DLG2: variants seen among roughly 807,000 people sequenced by gnomAD.
DLG2 encodes the protein disks large homolog 2.
A neutral mutation model predicts 132.5 loss-of-function variants in DLG2; 45 were observed. The observed-to-expected ratio is 0.34, with a 90% CI of 0.27 to 0.44. The LOEUF is 0.44. Ranked by LOEUF, DLG2 falls within the 20% of genes least tolerant of loss-of-function variation. DLG2 has a pLI of 1.00. For synonymous variants in DLG2, 424 were observed against 419.6 expected (o/e 1.01, Z -0.13); for missense variants, 1,045 against 1,196.9 (o/e 0.87, Z 1.87).
At chr11:83,853,648 T>C (rs2060103989) in intron 16 of DLG2, among the ~76,000 whole-genome samples, 1 of 152,194 alleles carries the variant, frequency 6.6e-6, no homozygotes, top group Non-Finnish European at 1.5e-5. Flanking sequence ...CTTTGTGAGT[T>C]AGTGTCTGAT....
chr11:85,015,815 G>A (rs943964184), intron 6 of DLG2, among the ~76,000 whole-genome samples: 1 of 151,998 alleles, frequency 6.6e-6, no homozygotes, highest in African/African-American at 2.4e-5. Context: ...TTCGTGCCAT[G>A]ATTTCATCTC....
intron 14 of DLG2, among the ~76,000 whole-genome samples, chr11:83,931,639 C>T (rs993535954): frequency 2.1e-4 from 32 of 152,144 alleles, no homozygotes; most frequent in African/African-American, 7.7e-4. Context: ...CTGAAAATTA[C>T]AATAAATTCA....
At chr11:84,813,933 C>T (rs79505901) in intron 6 of DLG2, among the ~76,000 whole-genome samples, 4 of 152,140 alleles carry the variant, frequency 2.6e-5, no homozygotes, top group Non-Finnish European at 5.9e-5. Flanking sequence ...TAGGATGGTG[C>T]TCATTTCAGA....
chr11:85,046,859 C>T (rs1030626152), intron 6 of DLG2, among the ~76,000 whole-genome samples: 44 of 151,844 alleles, frequency 2.9e-4, no homozygotes, highest in African/African-American at 1.0e-3. Context: ...CAAACTTGCA[C>T]GTCATCTCCT....
chr11:84,836,676 TCA>T (rs1212440459), intron 6 of DLG2, among the ~76,000 whole-genome samples: 1 of 151,860 alleles, frequency 6.6e-6, no homozygotes, highest in Non-Finnish European at 1.5e-5. Context: ...GAAACCTGCC[TCA>T]CCTTTATACA....
intron 6 of DLG2, among the ~76,000 whole-genome samples, chr11:84,607,939 C>T (rs527314257): frequency 3.0e-4 from 46 of 152,276 alleles, no homozygotes; most frequent in Non-Finnish European, 5.7e-4. Context: ...ACACATGACT[C>T]TAACAACCAG....
intron 6 of DLG2, among the ~76,000 whole-genome samples, chr11:84,551,718 A>G (rs2099402209): frequency 6.6e-6 from 1 of 152,160 alleles, no homozygotes; most frequent in Non-Finnish European, 1.5e-5. Flanking sequence ...CTCAAGTATT[A>G]TGCATTTCTT....
rs576724743 is a variant in DLG2 at position 83,584,388 on chromosome 11, G to A, written c.1941-42530C>T. On this transcript the variant is annotated intron_variant, in intron 19 of 27. Coordinates refer to ENST00000376104, the MANE Select transcript of DLG2 (RefSeq NM_001142699.3). ...AACAATACGGCTAGCATAAGTGAGGGATTACTCTAAATGTCATGAACTCAA... is the reference window on the plus strand; with the variant it reads ...AACAATACGGCTAGCATAAGTGAGGAATTACTCTAAATGTCATGAACTCAA... Among the ~76,000 whole-genome samples the A allele has an allele frequency of 3.9e-5, 6 of 152,298 alleles. 1 individual carries two copies. Among genetic ancestry groups the A allele is most frequent in the African/African-American group, 1.4e-4 (6 of 41,562 alleles).
intron 3 of DLG2, among the ~76,000 whole-genome samples, chr11:85,393,800 T>A (rs1380304255): frequency 6.6e-6 from 1 of 152,064 alleles, no homozygotes; most frequent in East Asian, 1.9e-4. Context: ...GTGAAGTAAC[T>A]CAGGAATAGA....
chr11:85,160,374 G>A lies in DLG2; in HGVS notation c.187-5723C>T, dbSNP rs111848599. The stretch of plus-strand genomic sequence containing the variant: ...GGATGCTGTTTGGAGCCTTCGGCAG[G>A]CCCCCATAGGTGAATCACAGCAGAG... On this transcript the variant is annotated intron_variant, in intron 4 of 27. Transcript: ENST00000376104. 1.7e-3 allele frequency among the ~76,000 whole-genome samples: 263 copies of A among 152,272 alleles called. 1 individual carries two copies. Among genetic ancestry groups the A allele is most frequent in the African/African-American group, 6.2e-3 (258 of 41,542 alleles).
rs2066984716 is a variant in DLG2 at position 85,079,572 on chromosome 11, TC to T, written c.357+32088del. Among the ~76,000 whole-genome samples the T allele has an allele frequency of 4.6e-5, 7 of 151,790 alleles. No individual in the cohort carries two copies. In the South Asian group the frequency reaches 1.5e-3, roughly 32 times the overall value. ...CATCAATGGCCAAACTTTTATTCTG[TC>T]CCATAGCATTTCCAAGGCGGCACAG... is the stretch of plus-strand genomic sequence containing the variant. On this transcript the variant is annotated intron_variant, in intron 6 of 27. Transcript: ENST00000376104.
At chr11:84,477,170 AAT>A (rs1369805372) in intron 7 of DLG2, among the ~76,000 whole-genome samples, 1 of 152,206 alleles carries the variant, frequency 6.6e-6, no homozygotes, top group East Asian at 1.9e-4. Context: ...TTTACTGACC[AAT>A]ATCTCTTTTT....
At chr11:83,766,963 C>T (rs760228772) in intron 18 of DLG2, among the ~76,000 whole-genome samples, 1 of 152,146 alleles carries the variant, frequency 6.6e-6, no homozygotes. Flanking sequence ...TAGTCTTTCT[C>T]GGGCTGTCAA....
chr11:84,849,129 G>A (rs1178030681), intron 6 of DLG2, among the ~76,000 whole-genome samples: 1 of 152,168 alleles, frequency 6.6e-6, no homozygotes, highest in Non-Finnish European at 1.5e-5. Flanking sequence ...CATAGAGATG[G>A]AGAGAGGCCA....
chr11:83,860,735 G>A (rs2061321554), intron 16 of DLG2, among the ~76,000 whole-genome samples: 1 of 152,150 alleles, frequency 6.6e-6, no homozygotes, highest in Admixed American at 6.5e-5. Flanking sequence ...AAGGGGCCAG[G>A]CGTGGAATAA....
chr11:84,294,850 C>A (rs1377193548), intron 7 of DLG2, among the ~76,000 whole-genome samples: 1 of 151,386 alleles, frequency 6.6e-6, no homozygotes, highest in Non-Finnish European at 1.5e-5. Context: ...CAAAGGAGGT[C>A]AAAAATATTT....
chr11:83,856,792 G>C (rs1228812228), intron 16 of DLG2, among the ~76,000 whole-genome samples: 2 of 152,146 alleles, frequency 1.3e-5, no homozygotes, highest in East Asian at 3.9e-4. Flanking sequence ...TTACTCTGTT[G>C]ATAGTTTCTT....
intron 19 of DLG2, among the ~76,000 whole-genome samples, chr11:83,549,941 G>A (rs1198457890): frequency 6.6e-6 from 1 of 152,114 alleles, no homozygotes; most frequent in Non-Finnish European, 1.5e-5. Flanking sequence ...CATTTCTCTA[G>A]GATGTATTCA....
intron 3 of DLG2, among the ~76,000 whole-genome samples, chr11:85,524,190 G>A (rs1046663294): frequency 3.3e-5 from 5 of 152,078 alleles, no homozygotes; most frequent in Non-Finnish European, 7.4e-5. Flanking sequence ...GCAAAGCAGG[G>A]TGACTACAGT....
Sources: allele counts gnomAD v4.1 joint callset (sites outside exome capture counted in the v4.1 genomes callset), GRCh38; gene constraint gnomAD v4.1.1; transcripts MANE v1.5; gene names NCBI Gene and HGNC (gene_info 2026-07-23, HGNC 2026-07-21).